The following JADE2 variants were observed in gnomAD, a reference collection of about 807,000 sequenced individuals.
JADE2 encodes E3 ubiquitin-protein ligase Jade-2.
In JADE2, 13 loss-of-function variants were observed where a neutral mutation model predicts 85.7. That is an observed-to-expected ratio of 0.15 (90% CI 0.10 to 0.24). The LOEUF (loss-of-function observed/expected upper bound fraction) is 0.24, where lower values mean the gene tolerates loss of function less well. Among genes scored for constraint, JADE2 ranks in the 10% least tolerant of loss-of-function variants. The pLI is 1.00. For synonymous variants in JADE2, 440 were observed against 456.1 expected, an observed-to-expected ratio of 0.96 and a Z score of 0.45; for missense variants, 846 against 1,115.9, an observed-to-expected ratio of 0.76 and a Z score of 3.45.
rs1403114340 is a variant in JADE2 at position 134,578,621 on chromosome 5, C to T, written c.1809C>T (p.Asp603=). The T allele has an allele frequency of 3.7e-6, 6 of 1,614,076 alleles. No homozygotes were observed. Among genetic ancestry groups the T allele is most frequent in the Non-Finnish European group, 2.5e-6 (3 of 1,180,042 alleles). ...CACTGAACAATGGGCACCGCGAGGA[C>T]CCTGCTCCAGGGCTGCTGTCAGAGG... ...EWPLNNGHRE[D]PAPGLLSEEL... The change falls in exon 12 of 12, where the codon GAC becomes GAT. Residue 603 remains aspartate (D), a synonymous_variant. Coordinates refer to ENST00000681547, the MANE Select transcript of JADE2 (RefSeq NM_001388185.1). The surrounding 1 kb of genome is among the most constrained non-coding windows in gnomAD (Gnocchi z 4.4).
chr5:134,577,050 T>G (rs1015596393), intron 11 of JADE2, 154 bp downstream of exon 11: 1 of 791,602 alleles, frequency 1.3e-6, no homozygotes, highest in Non-Finnish European at 1.9e-6. Flanking sequence ...TGCACACACC[T>G]TCCACCCACA....
intron 1 of JADE2, among the ~76,000 whole-genome samples, chr5:134,535,453 C>T (rs914142462): frequency 1.3e-5 from 2 of 152,178 alleles, no homozygotes; most frequent in East Asian, 3.8e-4. Flanking sequence ...TTGCTGTCCT[C>T]TACCCACCTA....
At chr5:134,537,956 C>G (rs769537016) in intron 2 of JADE2, 33 bp from the exon 3 acceptor site, 3 of 1,555,442 alleles carry the variant, frequency 1.9e-6, no homozygotes, top group Non-Finnish European at 2.7e-6. Context: ...CCTGGCCCTC[C>G]AGGACCCCTA....
At chr5:134,552,987 CTTTTTTTTT>C (rs34182692) in intron 4 of JADE2, among the ~76,000 whole-genome samples, 3 of 62,394 alleles carry the variant, frequency 4.8e-5, no homozygotes, top group South Asian at 1.7e-3. Context: ...TGGGCCTGGC[CTTTTTTTTT>C]TTTTTTTTTT....
intron 4 of JADE2, 51 bp from the exon 5 acceptor site, chr5:134,559,779 G>A (rs1763212389): frequency 3.8e-6 from 6 of 1,565,602 alleles, no homozygotes; most frequent in Non-Finnish European, 5.2e-6. Context: ...AGCCCCTATG[G>A]CGGCAGGCTG....
At chr5:134,572,028 C>T (rs551054539) in intron 9 of JADE2, among the ~76,000 whole-genome samples, 8 of 152,256 alleles carry the variant, frequency 5.3e-5, no homozygotes, top group Non-Finnish European at 8.8e-5. Context: ...GCCCCAGCGG[C>T]GTTGCTCACT....
Position 134,576,845 on chromosome 5 carries a change from G to A in JADE2, c.1630G>A (p.Glu544Lys), listed in dbSNP as rs945495023. ...CTGCGAGGGCTCCAAGGGCAGCACT[G>A]AGAAGAAAGAGAAAGTGAAGGCGGG... ...KGCEGSKGSTEKKEKVKAGPD... is the reference protein window; with the variant it reads ...KGCEGSKGSTKKKEKVKAGPD... The change falls in exon 11 of 12, where the codon GAG becomes AAG. Residue 544 changes from glutamate to lysine, a missense_variant. By Grantham distance (56) the Glu-to-Lys change is moderately conservative. Coordinates refer to ENST00000681547, the MANE Select transcript of JADE2 (RefSeq NM_001388185.1). 1.3e-6 allele frequency: 2 copies of A among 1,550,236 alleles called. No individual in the cohort carries two copies. Among genetic ancestry groups the A allele is most frequent in the African/African-American group, 1.4e-5 (1 of 73,064 alleles).
At chr5:134,549,968 G>A (rs1173687410) in intron 3 of JADE2, among the ~76,000 whole-genome samples, 2 of 152,222 alleles carry the variant, frequency 1.3e-5, no homozygotes, top group Admixed American at 6.5e-5. Context: ...GCCCTACTGA[G>A]CTCAGGAGAG....
intron 9 of JADE2, among the ~76,000 whole-genome samples, chr5:134,568,823 G>A (rs759794183): frequency 1.3e-5 from 2 of 152,230 alleles, no homozygotes; most frequent in African/African-American, 2.4e-5. Context: ...ACCCTGCCAC[G>A]GGGCAGGCTT....
At chr5:134,532,567 TTCTG>T (rs1223543087) in intron 1 of JADE2, among the ~76,000 whole-genome samples, 1 of 152,196 alleles carries the variant, frequency 6.6e-6, no homozygotes, top group African/African-American at 2.4e-5. Flanking sequence ...CGGGAGCACT[TTCTG>T]TCCTCGAAAG....
chr5:134,525,164 C>A (rs1218993128), upstream of JADE2, among the ~76,000 whole-genome samples: 1 of 133,846 alleles, frequency 7.5e-6, no homozygotes. Flanking sequence ...TATAAGCTCG[C>A]TTTTTTTTTT....
intron 10 of JADE2, among the ~76,000 whole-genome samples, chr5:134,576,203 CA>C (rs1764357621): frequency 6.6e-6 from 1 of 151,974 alleles, no homozygotes. Context: ...TCTCTCAAAA[CA>C]AACCAAAACA....
chr5:134,579,080 C>A lies in JADE2; in HGVS notation c.2268C>A (p.Arg756=), dbSNP rs779013938. Residue 756 remains arginine (R), a synonymous_variant, in exon 12 of 12, where the codon CGC becomes CGA. Coordinates refer to ENST00000681547, the MANE Select transcript of JADE2 (RefSeq NM_001388185.1). This position sits in a 1 kb window ranked among gnomAD's most constrained non-coding sequence, Gnocchi z 4.6. ...CTTTGGGCCGGCTCCGGCCACCCCGCGAGAGCAAGGTAACCCGGAGATTGC... is the reference window on the plus strand; with the variant it reads ...CTTTGGGCCGGCTCCGGCCACCCCGAGAGAGCAAGGTAACCCGGAGATTGC... ...PKPLGRLRPP[R]ESKVTRRLPG... 3.1e-6 allele frequency: 5 copies of A among 1,613,960 alleles called. No homozygotes were observed. Among genetic ancestry groups the A allele is most frequent in the Non-Finnish European group, 4.2e-6 (5 of 1,179,950 alleles).
intron 8 of JADE2, among the ~76,000 whole-genome samples, chr5:134,565,082 A>G (rs1437608557): frequency 6.6e-5 from 10 of 152,080 alleles, no homozygotes. Context: ...GTAAACATAG[A>G]CTGCTGGGCC....
chr5:134,564,197 TACAC>T, intron 7 of JADE2: 1 of 260,934 alleles, frequency 3.8e-6, no homozygotes, highest in Non-Finnish European at 7.4e-6. Flanking sequence ...CTTAAGCACA[TACAC>T]ACAGTCAACT....
chr5:134,525,924 C>G lies in JADE2; in HGVS notation c.-88C>G. ...CCTCCCGCGCCGGCCCCAGGAGCTC[C>G]CGGCTTCGGGAGCATCCTTCCCGCG... On this transcript the variant is annotated 5_prime_UTR_variant, in exon 1 of 12. Coordinates refer to ENST00000681547, the MANE Select transcript of JADE2 (RefSeq NM_001388185.1). The G allele has an allele frequency of 1.0e-6, 1 of 985,870 alleles. No individual in the cohort carries two copies. Among genetic ancestry groups the G allele is most frequent in the Non-Finnish European group, 1.2e-6 (1 of 830,506 alleles). 61.1% of individuals were successfully genotyped at this position (985,870 alleles called of 1,614,324 possible).
At chr5:134,561,609 CT>C (rs1763328294) in intron 6 of JADE2, among the ~76,000 whole-genome samples, 1 of 152,182 alleles carries the variant, frequency 6.6e-6, no homozygotes, top group South Asian at 2.1e-4. Context: ...CACTCTGGCC[CT>C]GATTTTGAGG....
At chr5:134,561,669 A>C (rs1763331944) in intron 6 of JADE2, among the ~76,000 whole-genome samples, 1 of 152,168 alleles carries the variant, frequency 6.6e-6, no homozygotes, top group African/African-American at 2.4e-5. Flanking sequence ...GCTCAGAGGT[A>C]GGGACTTTGC....
Position 134,580,677 on chromosome 5 carries a change from T to G in JADE2, c.*1360T>G, listed in dbSNP as rs973489226. The G allele has an allele frequency of 6.6e-6, 1 of 152,488 alleles. No individual in the cohort carries two copies. Among genetic ancestry groups the G allele is most frequent in the Non-Finnish European group, 1.5e-5 (1 of 68,040 alleles). 9.4% of individuals were successfully genotyped at this position (152,488 alleles called of 1,614,324 possible). On this transcript the variant is annotated 3_prime_UTR_variant, in exon 12 of 12. Coordinates refer to ENST00000681547, the MANE Select transcript of JADE2 (RefSeq NM_001388185.1). ...AAAGTCCAGTGAATCAGTCGAATCA[T>G]TCTGTGGATGCCAAAGAATATTTTG...
Sources: gnomAD v4.1 joint callset for allele counts (sites outside exome capture counted in the v4.1 genomes callset) on GRCh38, gnomAD v4.1.1 for gene constraint, Gnocchi (gnomAD v3.1) non-coding constraint, MANE v1.5 for transcripts, NCBI Gene and HGNC (gene_info 2026-07-23, HGNC 2026-07-21) for gene names.